ANO4: variants seen among roughly 807,000 people sequenced by gnomAD.
The protein encoded by ANO4 is anoctamin 4, also known as anoctamin-4.
A neutral mutation model predicts 141.9 loss-of-function variants in ANO4; 69 were observed. That is an observed-to-expected ratio of 0.49 (90% CI 0.40 to 0.59). ANO4 has a LOEUF of 0.59. Ranked by LOEUF, ANO4 falls within the 20% of genes least tolerant of loss-of-function variation. The pLI is 0.00. For missense variants in ANO4, 894 were observed against 1,162.2 expected, an observed-to-expected ratio of 0.77 and a Z score of 3.36; for synonymous variants, 350 against 394.3, an observed-to-expected ratio of 0.89 and a Z score of 1.33.
Position 101,086,708 on chromosome 12 carries a change from G to C in ANO4, c.1585G>C (p.Val529Leu). 3.7e-6 allele frequency: 6 copies of C among 1,613,828 alleles called. No individual in the cohort carries two copies. The highest frequency in any genetic ancestry group is 5.1e-6 in the Non-Finnish European group (6 of 1,179,802). ...GTTCGGGATCGTCATTTACCGGGTG[G>C]TGACTGTCAGCACTTTCGCTGCCTT... ...AVFGIVIYRV[V>L]TVSTFAAFKW... Residue 529 changes from valine (V) to leucine (L), a missense_variant, in exon 17 of 28, where the codon GTG (valine) becomes CTG (leucine). Val to Leu is a conservative substitution (Grantham distance 32). Coordinates refer to ENST00000392977, the MANE Select transcript of ANO4 (RefSeq NM_001286615.2).
intron 25 of ANO4, 97 bp from the exon 26 acceptor site, chr12:101,120,423 C>G: frequency 9.8e-7 from 1 of 1,020,042 alleles, no homozygotes; most frequent in Non-Finnish European, 1.5e-6. Context: ...CTTCAAATTT[C>G]CCTCCTATTG....
At chr12:100,887,761 C>T (rs1221705735) in intron 1 of ANO4, among the ~76,000 whole-genome samples, 1 of 152,188 alleles carries the variant, frequency 6.6e-6, no homozygotes, top group East Asian at 1.9e-4. Flanking sequence ...TCAGAAAGAA[C>T]CTTTTCCCCA....
chr12:101,083,147 T>C (rs1220862923), intron 15 of ANO4, among the ~76,000 whole-genome samples: 2 of 152,162 alleles, frequency 1.3e-5, no homozygotes, highest in Non-Finnish European at 1.5e-5. Flanking sequence ...TAGGAACTTA[T>C]TAAAAAGTAG....
intron 5 of ANO4, among the ~76,000 whole-genome samples, chr12:100,944,374 TAAA>T (rs71437002): frequency 1.3e-5 from 2 of 151,094 alleles, no homozygotes; most frequent in Non-Finnish European, 3.0e-5. Context: ...TGTTGGAATT[TAAA>T]AAAAAAATTT....
intron 3 of ANO4, among the ~76,000 whole-genome samples, chr12:100,779,331 C>T (rs1411399951): frequency 6.6e-6 from 1 of 152,138 alleles, no homozygotes; most frequent in Non-Finnish European, 1.5e-5. Context: ...AGTTTGATTC[C>T]AGATTCTTCC....
intron 1 of ANO4, among the ~76,000 whole-genome samples, chr12:100,884,461 G>A (rs1272527771): frequency 1.3e-5 from 2 of 152,194 alleles, no homozygotes; most frequent in East Asian, 1.9e-4. Context: ...TTAAGCTGAT[G>A]GACCAGGGGC....
chr12:100,725,561 T>C (rs1346227881), intron 1 of ANO4, among the ~76,000 whole-genome samples: 1 of 152,050 alleles, frequency 6.6e-6, no homozygotes, highest in Non-Finnish European at 1.5e-5. Flanking sequence ...TTAGCCAGGA[T>C]GGTCTCAATC....
intron 1 of ANO4, among the ~76,000 whole-genome samples, chr12:100,802,965 T>G (rs913376879): frequency 1.3e-5 from 2 of 152,218 alleles, no homozygotes; most frequent in Admixed American, 6.5e-5. Flanking sequence ...GAGGGTTTTT[T>G]TCCTCCTAGA....
intron 8 of ANO4, among the ~76,000 whole-genome samples, chr12:101,001,119 G>A (rs532848265): frequency 1.3e-5 from 2 of 152,212 alleles, no homozygotes; most frequent in East Asian, 3.9e-4. Flanking sequence ...TAGTCAAGAG[G>A]CTATTTTCCT....
At chr12:101,073,595 T>TAATAATAATAAA (rs1392541869) in intron 14 of ANO4, among the ~76,000 whole-genome samples, 2 of 146,556 alleles carry the variant, frequency 1.4e-5, no homozygotes, top group African/African-American at 2.5e-5. Flanking sequence ...ATAATAATAA[T>TAATAATAATAAA]AAAAGAAAAT....
chr12:100,778,462 C>G (rs2033606430), intron 3 of ANO4, among the ~76,000 whole-genome samples: 1 of 152,076 alleles, frequency 6.6e-6, no homozygotes, highest in Non-Finnish European at 1.5e-5. Context: ...ATTCTGCTAC[C>G]AGGAAGATGC....
intron 1 of ANO4, among the ~76,000 whole-genome samples, chr12:100,727,530 A>G (rs574942184): frequency 6.6e-6 from 1 of 152,138 alleles, no homozygotes; most frequent in East Asian, 1.9e-4. Flanking sequence ...CATCTTTATA[A>G]ATATTTTACT....
At chr12:101,104,651 AT>A (rs2050360641) in intron 22 of ANO4, among the ~76,000 whole-genome samples, 8 of 82,718 alleles carry the variant, frequency 9.7e-5, no homozygotes, top group Admixed American at 5.7e-4. Flanking sequence ...ATATATATAT[AT>A]ATATATATAT....
chr12:100,717,700 C>T (rs756449493), intron 1 of ANO4, among the ~76,000 whole-genome samples: 9 of 152,352 alleles, frequency 5.9e-5, no homozygotes, highest in Non-Finnish European at 1.0e-4. Context: ...TCCTGAGGGG[C>T]CGATGTTCCG....
chr12:100,860,041 A>C (rs2038389741), intron 1 of ANO4, among the ~76,000 whole-genome samples: 1 of 152,146 alleles, frequency 6.6e-6, no homozygotes, highest in Non-Finnish European at 1.5e-5. Context: ...CTACTGGGCT[A>C]ATTTTTCAGG....
chr12:100,754,223 GT>G (rs2032511903), intron 3 of ANO4, among the ~76,000 whole-genome samples: 1 of 152,202 alleles, frequency 6.6e-6, no homozygotes, highest in Non-Finnish European at 1.5e-5. Flanking sequence ...TGAACACAGT[GT>G]TCTCTTCCAC....
chr12:101,081,189 C>T (rs894197908), intron 15 of ANO4, among the ~76,000 whole-genome samples: 3 of 151,764 alleles, frequency 2.0e-5, no homozygotes, highest in African/African-American at 7.3e-5. Context: ...GGAACAGTTC[C>T]CAGTGGGATG....
chr12:100,820,342 A>G (rs1224574300), intron 1 of ANO4, among the ~76,000 whole-genome samples: 2 of 113,034 alleles, frequency 1.8e-5, no homozygotes, highest in Non-Finnish European at 3.6e-5. Flanking sequence ...CCCCAGCAAG[A>G]AAGTCGGTTT....
intron 1 of ANO4, among the ~76,000 whole-genome samples, chr12:100,875,422 A>G (rs1213170550): frequency 6.6e-6 from 1 of 152,244 alleles, no homozygotes; most frequent in East Asian, 1.9e-4. Context: ...GACACGTACT[A>G]CAAGGGAGCC....
Sources: allele counts gnomAD v4.1 joint callset (sites outside exome capture counted in the v4.1 genomes callset), GRCh38; gene constraint gnomAD v4.1.1; transcripts MANE v1.5; gene names NCBI Gene and HGNC (gene_info 2026-07-23, HGNC 2026-07-21).